The following POLA1 variants were observed in gnomAD, a reference collection of about 807,000 sequenced individuals.
POLA1 encodes the protein DNA polymerase alpha catalytic subunit.
POLA1 carries 15 observed loss-of-function variants against 124.0 expected under a neutral mutation model. The observed-to-expected ratio is 0.12, with a 90% CI of 0.08 to 0.19. POLA1 has a LOEUF of 0.19. Ranked by LOEUF, POLA1 falls within the 10% of genes least tolerant of loss-of-function variation. The pLI is 1.00. For missense variants in POLA1, 886 were observed against 1,103.4 expected (o/e 0.80, Z 2.79); for synonymous variants, 408 against 389.4 (o/e 1.05, Z -0.56).
chrX:24,828,160 G>C (rs994972297), intron 32 of POLA1, among the ~76,000 whole-genome samples: 29 of 112,918 alleles, frequency 2.6e-4, no homozygotes, highest in Admixed American at 2.4e-3. Context: ...CAGCTGGGAA[G>C]AGAGGACTGT....
intron 36 of POLA1, among the ~76,000 whole-genome samples, chrX:24,979,255 C>T (rs2147285859): frequency 8.9e-6 from 1 of 112,178 alleles, no homozygotes; most frequent in East Asian, 2.8e-4. Flanking sequence ...CTGACCTATT[C>T]TGTTGCTGAC....
chrX:24,698,802 C>T (rs1928207145), intron 1 of POLA1, among the ~76,000 whole-genome samples: 4 of 110,722 alleles, frequency 3.6e-5, no homozygotes, highest in Admixed American at 2.9e-4. Context: ...TACAGGCATG[C>T]ACCATCATGC....
chrX:24,851,813 C>T (rs1017797688), intron 34 of POLA1, among the ~76,000 whole-genome samples: 8 of 112,871 alleles, frequency 7.1e-5, no homozygotes, highest in African/African-American at 2.6e-4. Context: ...AGGTCTAACT[C>T]CAGTCATCTA....
chrX:24,842,740 C>T (rs762890384), intron 33 of POLA1, among the ~76,000 whole-genome samples: 1 of 111,190 alleles, frequency 9.0e-6, no homozygotes, highest in African/African-American at 3.3e-5. Context: ...GTGGAAGAGC[C>T]GATGTCAAGC....
intron 20 of POLA1, among the ~76,000 whole-genome samples, chrX:24,740,605 G>A (rs1931573200): frequency 1.8e-5 from 2 of 111,635 alleles, no homozygotes; most frequent in South Asian, 7.5e-4. Context: ...TTTACAATGT[G>A]TCTCTATGTC....
chrX:24,701,764 A>ATTT (rs753871510), intron 2 of POLA1, among the ~76,000 whole-genome samples: 2 of 86,469 alleles, frequency 2.3e-5, no homozygotes, highest in African/African-American at 8.6e-5. Flanking sequence ...GAATGGGAGA[A>ATTT]TTTTTTTTTT....
At chrX:24,881,249 A>G (rs185635642) in intron 34 of POLA1, among the ~76,000 whole-genome samples, 181 of 112,227 alleles carry the variant, frequency 1.6e-3, no homozygotes, top group Non-Finnish European at 2.3e-3. Flanking sequence ...CACCAGATGG[A>G]CACTGACCAG....
At chrX:24,918,811 T>G (rs1055936391) in intron 35 of POLA1, among the ~76,000 whole-genome samples, 1 of 104,612 alleles carries the variant, frequency 9.6e-6, no homozygotes, top group Admixed American at 1.0e-4. Context: ...AGAGATCGCA[T>G]GGTGAGAGAA....
intron 4 of POLA1, among the ~76,000 whole-genome samples, chrX:24,706,068 C>A (rs966415549): frequency 3.6e-5 from 4 of 111,632 alleles, no homozygotes; most frequent in Non-Finnish European, 7.5e-5. Context: ...TGTGTATATC[C>A]CATTTCCCCA....
rs762487041 is a variant in POLA1, at chrX:24,995,875, G to A, written c.4332G>A (p.Glu1444=). 3.1e-5 allele frequency: 37 copies of A among 1,207,906 alleles called. No homozygotes were observed. The highest frequency in any genetic ancestry group is 4.1e-5 in the Non-Finnish European group (37 of 892,123). The change falls in exon 37 of 37, where the codon GAG becomes GAA. Residue 1444 remains glutamate, a synonymous_variant. Coordinates refer to ENST00000379068, the MANE Select transcript of POLA1 (RefSeq NM_001330360.2). ...QDYRKLKNTA[E]QFLSRSGYSE... ...ACAGAAAACTCAAGAACACAGCAGA[G>A]CAATTCTTGTCCCGAAGTGGCTACT...
chrX:24,888,600 GTTTTTTTTTT>G (rs869301308), intron 35 of POLA1, among the ~76,000 whole-genome samples: 1 of 49,169 alleles, frequency 2.0e-5, no homozygotes, highest in African/African-American at 9.0e-5. Flanking sequence ...TTGTTTGCTT[GTTTTTTTTTT>G]TTTTTTTTTT....
intron 30 of POLA1, among the ~76,000 whole-genome samples, chrX:24,820,648 T>C (rs942922789): frequency 1.8e-5 from 2 of 111,069 alleles, no homozygotes; most frequent in African/African-American, 6.6e-5. Flanking sequence ...TTCTTACCTT[T>C]CTAAGTTCTC....
chrX:24,919,075 A>C (rs190066004), intron 35 of POLA1, among the ~76,000 whole-genome samples: 9 of 111,935 alleles, frequency 8.0e-5, no homozygotes, highest in African/African-American at 2.9e-4. Flanking sequence ...AAGACCACCC[A>C]TTTAATTAAG....
intron 27 of POLA1, 71 bp downstream of exon 27, chrX:24,810,001 AT>A: frequency 1.5e-6 from 1 of 646,275 alleles, no homozygotes; most frequent in Non-Finnish European, 2.4e-6. Context: ...TTCAAGGAAA[AT>A]TGTAACCCAA....
intron 34 of POLA1, among the ~76,000 whole-genome samples, chrX:24,861,269 G>T (rs2046712528): frequency 8.9e-6 from 1 of 112,012 alleles, no homozygotes; most frequent in African/African-American, 3.3e-5. Flanking sequence ...AGTAGCTGGG[G>T]CTACAGGCAG....
intron 29 of POLA1, among the ~76,000 whole-genome samples, chrX:24,814,529 C>T (rs1309081408): frequency 2.7e-5 from 3 of 111,398 alleles, no homozygotes; most frequent in Non-Finnish European, 5.7e-5. Context: ...ACTCATCTAG[C>T]GCATGGTTGT....
chrX:24,697,289 T>C (rs1323083452), intron 1 of POLA1, among the ~76,000 whole-genome samples: 1 of 111,178 alleles, frequency 9.0e-6, no homozygotes. Flanking sequence ...ATGGAGTAAG[T>C]GCATTTGAAG....
chrX:24,697,138 G>A (rs1318971840), intron 1 of POLA1, among the ~76,000 whole-genome samples: 1 of 111,163 alleles, frequency 9.0e-6, no homozygotes, highest in African/African-American at 3.3e-5. Flanking sequence ...TTACTTGACT[G>A]GGGGCCTCTT....
At chrX:24,722,653 C>T (rs1287387407) in intron 10 of POLA1, among the ~76,000 whole-genome samples, 1 of 112,458 alleles carries the variant, frequency 8.9e-6, no homozygotes, top group East Asian at 2.8e-4. Context: ...ATTATATTCT[C>T]AGATCTGTAA....
Sources: gnomAD v4.1 joint callset for allele counts (sites outside exome capture counted in the v4.1 genomes callset) on GRCh38, gnomAD v4.1.1 for gene constraint, MANE v1.5 for transcripts, NCBI Gene and HGNC (gene_info 2026-07-23, HGNC 2026-07-21) for gene names.